KCNK12: variants seen among roughly 807,000 people sequenced by gnomAD.
KCNK12 encodes potassium two pore domain channel subfamily K member 12.
A neutral mutation model predicts 25.3 loss-of-function variants in KCNK12; 6 were observed. The observed-to-expected ratio is 0.24, with a 90% confidence interval of 0.13 to 0.47. The LOEUF is 0.47. KCNK12 is among the 20% of genes least tolerant of loss of function. The probability of loss-of-function intolerance (pLI) is 0.99; values close to 1 mark genes in which losing one functional copy is unlikely to be tolerated. For missense variants in KCNK12, 444 were observed against 661.7 expected, an observed-to-expected ratio of 0.67 and a Z score of 3.61; for synonymous variants, 331 against 311.1, an observed-to-expected ratio of 1.06 and a Z score of -0.67.
chr2:47,521,947 G>T, intron 1 of KCNK12, 139 bp from the exon 2 acceptor site: 1 of 675,454 alleles, frequency 1.5e-6, no homozygotes, highest in Non-Finnish European at 2.4e-6. Context: ...GGTGGAGGAA[G>T]AACAGCACTT....
rs1172351528 is a variant in KCNK12, at chr2:47,569,309, A to G, written c.391+632T>C. 3.9e-5 allele frequency among the ~76,000 whole-genome samples: 6 copies of G among 152,068 alleles called. No individual in the cohort carries two copies. The highest frequency in any genetic ancestry group is 7.4e-5 in the Non-Finnish European group (5 of 68,012). The stretch of plus-strand genomic sequence containing the variant: ...AGAAGGGGCTGGGAGCTGGGGGAGA[A>G]CACAAGGAAGGGAGGCAGAACAACA... On this transcript the variant is annotated intron_variant, in intron 1 of 1. Transcript: ENST00000327876. This position sits in a 1 kb window ranked among gnomAD's most constrained non-coding sequence, Gnocchi z 4.1.
At position 47,562,950 on chromosome 2, in the gene KCNK12, G is replaced by A. The variant is rs1669712091; in HGVS notation, c.391+6991C>T. ...CATGCAGAGCCCCCGACCCCGGAAA[G>A]TCAGTGGAACTGGACGGAAAAAATG... On this transcript the variant is annotated intron_variant, in intron 1 of 1. Coordinates refer to ENST00000327876, the MANE Select transcript of KCNK12 (RefSeq NM_022055.2). This position sits in a 1 kb window ranked among gnomAD's most constrained non-coding sequence, Gnocchi z 4.8. 4.3e-6 allele frequency: 1 copy of A among 233,448 alleles called. No homozygotes were observed. The highest frequency in any genetic ancestry group is 1.8e-4 in the South Asian group (1 of 5,532). The allele number at this position is 233,448 out of a possible 1,614,324, so 14.5% of individuals were successfully genotyped here.
chr2:47,522,172 C>G (rs1325484935), intron 1 of KCNK12, among the ~76,000 whole-genome samples: 1 of 152,192 alleles, frequency 6.6e-6, no homozygotes, highest in Non-Finnish European at 1.5e-5. Flanking sequence ...ACAAGGGACA[C>G]CTGCTCTCCC....
At chr2:47,568,800 G>A (rs889609948) in intron 1 of KCNK12, among the ~76,000 whole-genome samples, 1 of 152,208 alleles carries the variant, frequency 6.6e-6, no homozygotes, top group African/African-American at 2.4e-5. Context: ...GGTGACTAGA[G>A]GTGTGACCAG....
chr2:47,565,483 T>C lies in KCNK12; in HGVS notation c.391+4458A>G, dbSNP rs1669772032. On this transcript the variant is annotated intron_variant, in intron 1 of 1. Transcript: ENST00000327876. This position sits in a 1 kb window ranked among gnomAD's most constrained non-coding sequence, Gnocchi z 5.0. ...ATTATGCAGTGCCAAAAGTGACAACTCTTATACCTACACCATCCCGTCTAC... is the reference window on the plus strand; with the variant it reads ...ATTATGCAGTGCCAAAAGTGACAACCCTTATACCTACACCATCCCGTCTAC... The C allele has an allele frequency of 6.6e-6, 1 of 152,220 alleles. No homozygotes were observed. The highest frequency in any genetic ancestry group is 2.4e-5 in the African/African-American group (1 of 41,450). The allele number at this position is 152,220 out of a possible 1,614,324, so 9.4% of individuals were successfully genotyped here. A position where few individuals can be genotyped will look rare whatever the true frequency, so the allele number is the denominator to read the frequency against.
At position 47,515,206 on chromosome 2, in the gene KCNK12, G is replaced by A. The variant is rs549444077; in HGVS notation, c.*5701C>T. Among the ~76,000 whole-genome samples the A allele has an allele frequency of 2.0e-5, 3 of 152,176 alleles. No homozygotes were observed. The highest frequency in any genetic ancestry group is 6.5e-5 in the Admixed American group (1 of 15,280). ...TCTCCGCCACGGCAGCCTAGCTAAT[G>A]GGTCTTGGCTGGAAGCTAACAGGAA... On this transcript the variant is annotated 3_prime_UTR_variant, in exon 2 of 2. Transcript: ENST00000327876.
At chr2:47,539,155 A>G (rs1397149231) in intron 1 of KCNK12, among the ~76,000 whole-genome samples, 1 of 152,222 alleles carries the variant, frequency 6.6e-6, no homozygotes, top group Non-Finnish European at 1.5e-5. Flanking sequence ...CATTTTGTAG[A>G]CAGGGAAACT....
intron 1 of KCNK12, among the ~76,000 whole-genome samples, chr2:47,534,432 G>GCCCCCCCC (rs11406660): frequency 1.4e-4 from 16 of 117,308 alleles, no homozygotes; most frequent in African/African-American, 2.5e-4. Flanking sequence ...CCGTCTCCAG[G>GCCCCCCCC]CCCCCCCCAC....
At position 47,511,422 on chromosome 2, in the gene KCNK12, A is replaced by G. The variant is rs1293998331; in HGVS notation, c.*9485T>C. Among the ~76,000 whole-genome samples the G allele has an allele frequency of 2.0e-5, 3 of 152,198 alleles. No individual in the cohort carries two copies. Among genetic ancestry groups the G allele is most frequent in the African/African-American group, 4.8e-5 (2 of 41,452 alleles). On this transcript the variant is annotated 3_prime_UTR_variant, in exon 2 of 2. Coordinates refer to ENST00000327876, the MANE Select transcript of KCNK12 (RefSeq NM_022055.2). This position sits in a 1 kb window ranked among gnomAD's most constrained non-coding sequence, Gnocchi z 4.3. ...CGCCTGCATATATGTATTTGGACCA[A>G]TGCTCTCATGTGTGCAAATACATGT... is the stretch of plus-strand genomic sequence containing the variant.
chr2:47,537,158 G>A (rs911143186), intron 1 of KCNK12, among the ~76,000 whole-genome samples: 1 of 152,142 alleles, frequency 6.6e-6, no homozygotes, highest in Non-Finnish European at 1.5e-5. Flanking sequence ...TCAAAATGCT[G>A]CTGTGCTTTG....
intron 1 of KCNK12, among the ~76,000 whole-genome samples, chr2:47,561,471 T>G (rs1669667820): frequency 6.6e-6 from 1 of 150,914 alleles, no homozygotes; most frequent in Non-Finnish European, 1.5e-5. Flanking sequence ...CCAACCAGAG[T>G]GCAGCAGGTG....
rs1485742196 is a variant in KCNK12, at chr2:47,528,070, T to TA, written c.392-6263dup. 6.6e-6 allele frequency among the ~76,000 whole-genome samples: 1 copy of TA among 152,162 alleles called. No homozygotes were observed. Among genetic ancestry groups the TA allele is most frequent in the Non-Finnish European group, 1.5e-5 (1 of 68,008 alleles). The stretch of plus-strand genomic sequence containing the variant: ...GCCAGAACTTGTCCTGGGGTCTTCT[T>TA]ACGGCCCTGGTTCAGCTTGCATTCA... On this transcript the variant is annotated intron_variant, in intron 1 of 1. Transcript: ENST00000327876. This position sits in a 1 kb window ranked among gnomAD's most constrained non-coding sequence, Gnocchi z 4.5.
chr2:47,550,776 T>C (rs1164865421), intron 1 of KCNK12, among the ~76,000 whole-genome samples: 1 of 152,132 alleles, frequency 6.6e-6, no homozygotes, highest in African/African-American at 2.4e-5. Context: ...AACCCCACAC[T>C]TCAGTAAATA....
chr2:47,512,585 A>T lies in KCNK12; in HGVS notation c.*8322T>A. ...TAACTTTCTCTGCCCAGATTCCAGG[A>T]CTTACAGTGAGAAAGCGCCTTCTGG... On this transcript the variant is annotated 3_prime_UTR_variant, in exon 2 of 2. Transcript: ENST00000327876. 1.1e-6 allele frequency: 1 copy of T among 877,386 alleles called. No individual in the cohort carries two copies. Among genetic ancestry groups the T allele is most frequent in the Non-Finnish European group, 1.7e-6 (1 of 590,228 alleles). The allele number at this position is 877,386 out of a possible 1,614,324, so 54.4% of individuals were successfully genotyped here. A position where few individuals can be genotyped will look rare whatever the true frequency, so the allele number is the denominator to read the frequency against.
intron 1 of KCNK12, among the ~76,000 whole-genome samples, chr2:47,568,976 G>A (rs2104908222): frequency 6.6e-6 from 1 of 152,180 alleles, no homozygotes; most frequent in African/African-American, 2.4e-5. Context: ...GTGGGGGATG[G>A]GAAAAGTGAG....
In KCNK12 at chr2:47,519,444, C is replaced by T. The variant is rs1292078397; in HGVS notation, c.*1463G>A. On this transcript the variant is annotated 3_prime_UTR_variant, in exon 2 of 2. Coordinates refer to ENST00000327876, the MANE Select transcript of KCNK12 (RefSeq NM_022055.2). Reference sequence around the variant, plus strand: ...TGCATACTGGTGGGTCACGCCGTGCCTGTATAAACTCTGGCACCTGTCCTT... The same window carrying T: ...TGCATACTGGTGGGTCACGCCGTGCTTGTATAAACTCTGGCACCTGTCCTT... The T allele has an allele frequency of 6.6e-6, 1 of 152,182 alleles. No individual in the cohort carries two copies. The highest frequency in any genetic ancestry group is 1.5e-5 in the Non-Finnish European group (1 of 68,040). The allele number at this position is 152,182 out of a possible 1,614,324, so 9.4% of individuals were successfully genotyped here. A position where few individuals can be genotyped will look rare whatever the true frequency, so the allele number is the denominator to read the frequency against.
In KCNK12 at chr2:47,570,677, T is replaced by G; in HGVS notation, c.-346A>C. 1.3e-5 allele frequency: 2 copies of G among 156,730 alleles called. No individual in the cohort carries two copies. The highest frequency in any genetic ancestry group is 1.9e-4 in the East Asian group (1 of 5,190). 9.7% of individuals were successfully genotyped at this position (156,730 alleles called of 1,614,324 possible). On this transcript the variant is annotated 5_prime_UTR_variant, in exon 1 of 2. Coordinates refer to ENST00000327876, the MANE Select transcript of KCNK12 (RefSeq NM_022055.2). ...GGCCCCTGCCGCCCGGTGGCCGGCG[T>G]CCGCGGGGCCCCGGGCCTCATACTC...
rs1031267721 is a variant in KCNK12, at chr2:47,558,839, G to A, written c.391+11102C>T. On this transcript the variant is annotated intron_variant, in intron 1 of 1. Coordinates refer to ENST00000327876, the MANE Select transcript of KCNK12 (RefSeq NM_022055.2). ...GGTGCTGGGCCGTGTGGGTGGGGGTGGCTTTTCCTGGTTTGTGGAATTGCA... is the reference window on the plus strand; with the variant it reads ...GGTGCTGGGCCGTGTGGGTGGGGGTAGCTTTTCCTGGTTTGTGGAATTGCA... 2.6e-5 allele frequency among the ~76,000 whole-genome samples: 4 copies of A among 152,328 alleles called. No individual in the cohort carries two copies. The East Asian group carries it at 7.7e-4, about 29-fold the overall frequency.
intron 1 of KCNK12, among the ~76,000 whole-genome samples, chr2:47,567,741 C>T (rs758608297): frequency 7.9e-5 from 12 of 152,202 alleles, no homozygotes; most frequent in Admixed American, 6.5e-4. Flanking sequence ...CTGGGTCACT[C>T]GTAATATAAC....
Sources: gnomAD v4.1 joint callset for allele counts (sites outside exome capture counted in the v4.1 genomes callset) on GRCh38, gnomAD v4.1.1 for gene constraint, Gnocchi (gnomAD v3.1) non-coding constraint, MANE v1.5 for transcripts, NCBI Gene and HGNC (gene_info 2026-07-23, HGNC 2026-07-21) for gene names.